Variants in PPP3CA observed in about 807,000 individuals in gnomAD.
PPP3CA encodes the protein CAM-PRP catalytic subunit.
A neutral mutation model predicts 66.5 loss-of-function variants in PPP3CA; 14 were observed. The ratio of observed to expected loss-of-function variants is 0.21; its 90% CI spans 0.14 to 0.33. The LOEUF (loss-of-function observed/expected upper bound fraction) is 0.33, where lower values mean the gene tolerates loss of function less well. PPP3CA is among the 10% of genes least tolerant of loss of function. The pLI, the probability that PPP3CA is intolerant of heterozygous loss-of-function variation, is 1.00. For missense variants in PPP3CA, 317 were observed against 639.5 expected (o/e 0.50, Z 5.44); for synonymous variants, 232 against 226.2 (o/e 1.03, Z -0.23).
chr4:101,201,573 T>C (rs368490412), intron 1 of PPP3CA, among the ~76,000 whole-genome samples: 3 of 152,342 alleles, frequency 2.0e-5, no homozygotes, highest in South Asian at 4.1e-4. Context: ...CACCAGTCAA[T>C]CAACCACAAC....
At chr4:101,063,856 T>C (rs984273354) in intron 8 of PPP3CA, among the ~76,000 whole-genome samples, 21 of 152,072 alleles carry the variant, frequency 1.4e-4, no homozygotes, top group African/African-American at 5.1e-4. Context: ...AATATAATAA[T>C]TGTACATAAT....
rs191070397 is a variant in PPP3CA at position 101,035,736 on chromosome 4, C to T, written c.1242-3372G>A. On this transcript the variant is annotated intron_variant, in intron 11 of 13. Transcript: ENST00000394854. ...TTGTGACTGCCATTCCTGCCTCACA[C>T]GGAAGCCATGCCCTCAAAGGTTTCT... Among the ~76,000 whole-genome samples the T allele has an allele frequency of 2.1e-4, 32 of 152,300 alleles. No individual in the cohort carries two copies. In the East Asian group the frequency reaches 5.8e-3, roughly 28 times the overall value.
chr4:101,220,306 T>TTC (rs1725584659), intron 1 of PPP3CA, among the ~76,000 whole-genome samples: 1 of 151,270 alleles, frequency 6.6e-6, no homozygotes, highest in African/African-American at 2.4e-5. Context: ...CACGTTTTTT[T>TTC]TTTTATTTGT....
intron 10 of PPP3CA, among the ~76,000 whole-genome samples, chr4:101,052,706 T>G (rs1276421047): frequency 1.3e-5 from 2 of 151,974 alleles, no homozygotes; most frequent in Non-Finnish European, 2.9e-5. Flanking sequence ...TCAGGCAAAC[T>G]CAGTTATTAT....
chr4:101,098,313 T>C (rs933698044), intron 5 of PPP3CA, 54 bp downstream of exon 5: 77 of 1,480,216 alleles, frequency 5.2e-5, no homozygotes, highest in Non-Finnish European at 6.3e-5. Flanking sequence ...TAATGTCTTC[T>C]ATTTATTACT....
At chr4:101,329,951 T>G (rs1306872315) in intron 1 of PPP3CA, among the ~76,000 whole-genome samples, 1 of 152,210 alleles carries the variant, frequency 6.6e-6, no homozygotes, top group Non-Finnish European at 1.5e-5. Context: ...GCACCCATTC[T>G]GCAGTCCATG....
chr4:101,301,173 T>C (rs1002516434), intron 1 of PPP3CA, among the ~76,000 whole-genome samples: 1 of 151,928 alleles, frequency 6.6e-6, no homozygotes, highest in African/African-American at 2.4e-5. Context: ...GACTCATTTA[T>C]ATAAATACAT....
rs1057227958 is a variant in PPP3CA, at chr4:101,044,996, G to T, written c.1157-4430C>A. 3.3e-5 allele frequency among the ~76,000 whole-genome samples: 5 copies of T among 152,190 alleles called. No homozygotes were observed. In the South Asian group the frequency reaches 6.2e-4, roughly 19 times the overall value. ...TGAAGAGAGATTCTTACCACCTGGG[G>T]TATCTGCCACACATAACAGATGTTG... On this transcript the variant is annotated intron_variant, in intron 10 of 13. Coordinates refer to ENST00000394854, the MANE Select transcript of PPP3CA (RefSeq NM_000944.5).
chr4:101,083,837 A>T (rs1171236460), intron 6 of PPP3CA, among the ~76,000 whole-genome samples: 1 of 152,202 alleles, frequency 6.6e-6, no homozygotes, highest in Non-Finnish European at 1.5e-5. Flanking sequence ...CAATAAGATG[A>T]TTATATCATT....
At chr4:101,093,359 A>G (rs937226190) in intron 6 of PPP3CA, among the ~76,000 whole-genome samples, 2 of 152,056 alleles carry the variant, frequency 1.3e-5, no homozygotes, top group Non-Finnish European at 2.9e-5. Context: ...GATGATCATG[A>G]GCATTGTTTA....
chr4:101,154,629 A>T (rs1472317618), intron 2 of PPP3CA, among the ~76,000 whole-genome samples: 1 of 152,108 alleles, frequency 6.6e-6, no homozygotes, highest in Non-Finnish European at 1.5e-5. Context: ...CTTAGACTCT[A>T]CCCAGTGTAA....
intron 10 of PPP3CA, among the ~76,000 whole-genome samples, chr4:101,052,530 A>G (rs1387305724): frequency 3.3e-5 from 5 of 152,016 alleles, no homozygotes; most frequent in Non-Finnish European, 7.4e-5. Context: ...CAAACGATTT[A>G]GCTTTTAAAT....
intron 2 of PPP3CA, among the ~76,000 whole-genome samples, chr4:101,134,951 C>T (rs913911391): frequency 1.3e-5 from 2 of 152,060 alleles, no homozygotes; most frequent in Admixed American, 1.3e-4. Flanking sequence ...CCATCATTCT[C>T]AGCAAAATAA....
chr4:101,048,793 A>T lies in PPP3CA; in HGVS notation c.1157-8227T>A, dbSNP rs112144575. ...TTCTTCCATATGTTTTTTTAACTTG[A>T]CTACAATCTCAGTATATATTAAGAG... is the stretch of plus-strand genomic sequence containing the variant. On this transcript the variant is annotated intron_variant, in intron 10 of 13. Transcript: ENST00000394854. Among the ~76,000 whole-genome samples the T allele has an allele frequency of 6.5e-3, 987 of 152,190 alleles. 7 individuals are homozygous for T. Among genetic ancestry groups the T allele is most frequent in the Middle Eastern group, 0.034 (10 of 294 alleles).
chr4:101,143,183 A>G (rs1722864843), intron 2 of PPP3CA, among the ~76,000 whole-genome samples: 1 of 152,062 alleles, frequency 6.6e-6, no homozygotes, highest in Non-Finnish European at 1.5e-5. Context: ...TTCTATCTTC[A>G]TACTTTTTCT....
At chr4:101,052,766 A>G (rs1728066344) in intron 10 of PPP3CA, among the ~76,000 whole-genome samples, 1 of 152,062 alleles carries the variant, frequency 6.6e-6, no homozygotes, top group South Asian at 2.1e-4. Context: ...ACCCTTGCAT[A>G]TAATTTCCTT....
intron 1 of PPP3CA, among the ~76,000 whole-genome samples, chr4:101,342,950 T>C (rs55727851): frequency 0.051 from 7,757 of 152,196 alleles, 655 homozygotes; most frequent in African/African-American, 0.18. Context: ...TTCTATGATC[T>C]TAGCATCTTT....
chr4:101,068,191 G>A (rs1019101936), intron 8 of PPP3CA, among the ~76,000 whole-genome samples: 1 of 152,164 alleles, frequency 6.6e-6, no homozygotes, highest in Non-Finnish European at 1.5e-5. Flanking sequence ...AAACAAAGAT[G>A]AGAAGAAACC....
chr4:101,225,711 T>C (rs1460589307), intron 1 of PPP3CA, among the ~76,000 whole-genome samples: 1 of 151,840 alleles, frequency 6.6e-6, no homozygotes, highest in African/African-American at 2.4e-5. Flanking sequence ...TTGTGTATTG[T>C]ATACATAAAA....
Sources: allele counts gnomAD v4.1 joint callset (sites outside exome capture counted in the v4.1 genomes callset), GRCh38; gene constraint gnomAD v4.1.1; transcripts MANE v1.5; gene names NCBI Gene and HGNC (gene_info 2026-07-23, HGNC 2026-07-21).